Variants in SEH1L observed in about 807,000 individuals in gnomAD.
SEH1L encodes the protein nucleoporin SEH1.
A neutral mutation model predicts 49.5 loss-of-function variants in SEH1L; 18 were observed. The ratio of observed to expected loss-of-function variants is 0.36; its 90% CI spans 0.25 to 0.54. SEH1L has a LOEUF of 0.54. Ranked by LOEUF, SEH1L falls within the 20% of genes least tolerant of loss-of-function variation. The pLI, the probability that SEH1L is intolerant of heterozygous loss-of-function variation, is 0.87. For synonymous variants in SEH1L, 169 were observed against 178.1 expected (o/e 0.95, Z 0.41); for missense variants, 404 against 528.8 (o/e 0.76, Z 2.31).
intron 8 of SEH1L, among the ~76,000 whole-genome samples, chr18:12,985,073 T>A (rs924743286): frequency 7.2e-5 from 11 of 152,186 alleles, no homozygotes; most frequent in Non-Finnish European, 1.2e-4. Flanking sequence ...ACAAATAATA[T>A]TAGAGTTGAT....
In SEH1L at chr18:12,956,049, C is replaced by CT. The variant is rs869047416; in HGVS notation, c.309+454dup. On this transcript the variant is annotated intron_variant, in intron 3 of 8. Transcript: ENST00000399892. ...TAAACTCTTAAGGGTTAATAAAATT[C>CT]TTTTTTTTTTTTTTAGACGGAGTCT... 4.7e-3 allele frequency among the ~76,000 whole-genome samples: 626 copies of CT among 133,888 alleles called. 3 individuals carry two copies. Among genetic ancestry groups the CT allele is most frequent in the African/African-American group, 0.014 (497 of 36,668 alleles). 87.8% of individuals were successfully genotyped at this position (133,888 alleles called of 152,430 possible).
chr18:12,953,398 A>G (rs927646097), intron 2 of SEH1L, among the ~76,000 whole-genome samples: 1 of 152,188 alleles, frequency 6.6e-6, no homozygotes, highest in African/African-American at 2.4e-5. Context: ...GGCTATATGC[A>G]CTTAGCTTTC....
chr18:12,980,275 G>A (rs1307219989), intron 6 of SEH1L, among the ~76,000 whole-genome samples: 38 of 129,994 alleles, frequency 2.9e-4, no homozygotes, highest in Non-Finnish European at 4.3e-4. Context: ...CGGTCGGGGC[G>A]GCTGGCCGGG....
chr18:12,951,349 GA>G (rs1253175597), intron 1 of SEH1L, among the ~76,000 whole-genome samples: 1 of 152,196 alleles, frequency 6.6e-6, no homozygotes, highest in Non-Finnish European at 1.5e-5. Flanking sequence ...TCAGCTTCCT[GA>G]ATCCCTTGGT....
chr18:12,971,207 C>T lies in SEH1L; in HGVS notation c.576C>T (p.Asn192=), dbSNP rs143962546. 39 of 1,613,908 alleles carry T rather than the reference C, an allele frequency of 2.4e-5. No homozygotes were observed. In the Middle Eastern group the frequency reaches 4.9e-4, roughly 20 times the overall value. The part of the protein sequence containing the change: ...IAVGSDDSSP[N]AMAKVQIFEY... ...TAGGAAGTGATGACAGTAGCCCCAA[C>T]GCAATGGCCAAGGTTCAGATTTTTG... The change falls in exon 5 of 9, where the codon AAC becomes AAT. Residue 192 remains asparagine, a synonymous_variant. Transcript: ENST00000399892.
At chr18:12,952,546 A>G (rs1475428761) in intron 2 of SEH1L, among the ~76,000 whole-genome samples, 1 of 152,118 alleles carries the variant, frequency 6.6e-6, no homozygotes, top group Non-Finnish European at 1.5e-5. Flanking sequence ...AAATTTTCAT[A>G]CCTTAAAAGT....
intron 4 of SEH1L, 91 bp from the exon 5 acceptor site, chr18:12,971,062 C>A: frequency 1.2e-6 from 1 of 852,120 alleles, no homozygotes; most frequent in Non-Finnish European, 2.0e-6. Context: ...TAACTGTAAG[C>A]TGGTTGTCTG....
At chr18:12,973,213 GGAAAA>G (rs2031776683) in intron 5 of SEH1L, 1 of 151,664 alleles carries the variant, frequency 6.6e-6, no homozygotes, top group African/African-American at 2.4e-5. Flanking sequence ...CTAAAACATA[GGAAAA>G]GAAAATATTT....
At chr18:12,970,669 C>T (rs762699246) in intron 4 of SEH1L, among the ~76,000 whole-genome samples, 3 of 152,284 alleles carry the variant, frequency 2.0e-5, no homozygotes, top group Non-Finnish European at 2.9e-5. Context: ...AAATGATCCT[C>T]TCTCCTGAGT....
At chr18:12,978,262 C>G (rs531174807) in intron 5 of SEH1L, 3 of 152,712 alleles carry the variant, frequency 2.0e-5, no homozygotes, top group African/African-American at 7.2e-5. Flanking sequence ...TGGCTTAACA[C>G]AGAAATGTAT....
In SEH1L at chr18:12,986,985, C is replaced by T; in HGVS notation, c.1194C>T (p.Leu398=). ...EHSCDADTAN[L]QYPHPRRRYL... is the part of the protein sequence containing the mutation. ...CTTGCGATGCTGACACTGCCAACCT[C>T]CAGTATCCTCACCCTCGCAGACGAT... The change falls in exon 9 of 9, where the codon CTC becomes CTT. Residue 398 remains leucine (L), a synonymous_variant. Coordinates refer to ENST00000399892, the MANE Select transcript of SEH1L (RefSeq NM_001013437.2). The T allele has an allele frequency of 2.5e-6, 4 of 1,613,970 alleles. No homozygotes were observed. The highest frequency in any genetic ancestry group is 3.4e-6 in the Non-Finnish European group (4 of 1,179,920).
intron 3 of SEH1L, among the ~76,000 whole-genome samples, chr18:12,960,298 G>A (rs2031109553): frequency 6.6e-6 from 1 of 152,226 alleles, no homozygotes; most frequent in Non-Finnish European, 1.5e-5. Flanking sequence ...GCAAGGGCCT[G>A]ATACAAATTA....
Position 12,978,551 on chromosome 18 carries a change from C to T in SEH1L, c.621-201C>T, listed in dbSNP as rs538091398. ...AGGTCCTTAATTACATTTTCAAAGA[C>T]GCTATTTTTGAATAAGGTCACATTC... On this transcript the variant is annotated intron_variant, in intron 5 of 8. Transcript: ENST00000399892. 8.0e-4 allele frequency: 364 copies of T among 455,578 alleles called. 5 individuals are homozygous for T. The South Asian group carries it at 0.017, about 22-fold the overall frequency. 28.2% of individuals were successfully genotyped at this position (455,578 alleles called of 1,614,324 possible).
chr18:12,960,349 A>G (rs532055411), intron 3 of SEH1L, among the ~76,000 whole-genome samples: 73 of 152,346 alleles, frequency 4.8e-4, no homozygotes, highest in African/African-American at 1.7e-3. Flanking sequence ...GCTGAAATCT[A>G]GTTTTCCCAG....
chr18:12,952,236 T>C (rs2030583269), intron 2 of SEH1L, among the ~76,000 whole-genome samples: 1 of 150,572 alleles, frequency 6.6e-6, no homozygotes. Context: ...AATTTTCTTT[T>C]TTTTTTTTTT....
At chr18:12,972,943 T>G (rs958374844) in intron 5 of SEH1L, 7 of 152,224 alleles carry the variant, frequency 4.6e-5, no homozygotes, top group Non-Finnish European at 8.8e-5. Context: ...AGGTGACTTA[T>G]GCCTGCCATC....
intron 5 of SEH1L, chr18:12,971,665 T>C (rs1279994687): frequency 6.6e-6 from 1 of 151,458 alleles, no homozygotes; most frequent in African/African-American, 2.5e-5. Flanking sequence ...GTAATTGATC[T>C]CCCAGTATGA....
intron 2 of SEH1L, among the ~76,000 whole-genome samples, chr18:12,954,674 C>T (rs1442893160): frequency 1.3e-5 from 2 of 152,134 alleles, no homozygotes; most frequent in African/African-American, 4.8e-5. Context: ...TGCCATATTG[C>T]CCAGACTGGT....
chr18:12,986,531 TGA>T (rs1245366601), intron 8 of SEH1L: 1 of 971,292 alleles, frequency 1.0e-6, no homozygotes, highest in African/African-American at 1.7e-5. Context: ...CAGATGTTTC[TGA>T]GAGATTAGAA....
Sources: allele counts gnomAD v4.1 joint callset (sites outside exome capture counted in the v4.1 genomes callset), GRCh38; gene constraint gnomAD v4.1.1; transcripts MANE v1.5; gene names NCBI Gene and HGNC (gene_info 2026-07-23, HGNC 2026-07-21).